The following ORM1 variants were observed in gnomAD, a reference collection of about 807,000 sequenced individuals.
ORM1 encodes orosomucoid 1.
ORM1 carries 13 observed loss-of-function variants against 26.9 expected under a neutral mutation model. The observed-to-expected ratio is 0.48, with a 90% CI of 0.31 to 0.77. The LOEUF (loss-of-function observed/expected upper bound fraction) is 0.77. ORM1 is among the 30% of genes least tolerant of loss of function. The pLI, the probability that ORM1 is intolerant of heterozygous loss-of-function variation, is 0.04. For missense variants in ORM1, 189 were observed against 246.8 expected, an observed-to-expected ratio of 0.77 and a Z score of 1.57; for synonymous variants, 76 against 102.2, an observed-to-expected ratio of 0.74 and a Z score of 1.55.
At chr9:114,324,628 G>C (rs1181624428) in intron 3 of ORM1, among the ~76,000 whole-genome samples, 162 bp from the exon 4 acceptor site, 3 of 152,200 alleles carry the variant, frequency 2.0e-5, no homozygotes, top group Non-Finnish European at 4.4e-5. Context: ...TTGGCGTGGA[G>C]CTGGGCATGC....
intron 3 of ORM1, 74 bp from the exon 4 acceptor site, chr9:114,324,716 G>C: frequency 8.1e-7 from 1 of 1,233,294 alleles, no homozygotes; most frequent in Non-Finnish European, 1.2e-6. Flanking sequence ...GACACACCTA[G>C]GCCTCCTCAC....
At chr9:114,325,233 G>C (rs1484681654) in intron 5 of ORM1, 81 bp downstream of exon 5, 3 of 1,345,724 alleles carry the variant, frequency 2.2e-6, no homozygotes, top group Non-Finnish European at 3.2e-6. Context: ...CAGGAGAGCT[G>C]CCAGGCAAGG....
chr9:114,324,366 T>G (rs1007303149), intron 3 of ORM1, among the ~76,000 whole-genome samples: 14 of 152,154 alleles, frequency 9.2e-5, no homozygotes, highest in African/African-American at 3.4e-4. Context: ...GATCTGCCTC[T>G]CTCTCATGCC....
chr9:114,324,178 T>A (rs2131724068), intron 3 of ORM1, 90 bp downstream of exon 3: 1 of 1,200,780 alleles, frequency 8.3e-7, no homozygotes, highest in African/African-American at 1.5e-5. Context: ...CCTGGAGGCT[T>A]TGGGCACAGA....
Position 114,323,170 on chromosome 9 carries a change from C to T in ORM1, c.37C>T (p.Leu13=). The change falls in exon 1 of 6, where the codon CTA becomes TTA. Residue 13 remains leucine, a synonymous_variant. Coordinates refer to ENST00000259396, the MANE Select transcript of ORM1 (RefSeq NM_000607.4). ...CTGGGTTCTTACAGTCCTGAGCCTC[C>T]TACCTCTGCTGGAAGCCCAGATCCC... is the stretch of plus-strand genomic sequence containing the variant. ...LSWVLTVLSL[L]PLLEAQIPLC... The T allele has an allele frequency of 1.3e-6, 2 of 1,545,530 alleles. No individual in the cohort carries two copies. The highest frequency in any genetic ancestry group is 1.4e-5 in the African/African-American group (1 of 69,424).
intron 3 of ORM1, 69 bp from the exon 4 acceptor site, chr9:114,324,721 C>T: frequency 1.5e-6 from 2 of 1,309,108 alleles, no homozygotes; most frequent in East Asian, 2.3e-5. Context: ...ACCTAGGCCT[C>T]CTCACCTGTA....
At position 114,323,196 on chromosome 9, in the gene ORM1, A is replaced by T. The variant is rs1405211530; in HGVS notation, c.63A>T (p.Pro21=). The T allele has an allele frequency of 6.3e-7, 1 of 1,581,412 alleles. No individual in the cohort carries two copies. The highest frequency in any genetic ancestry group is 1.4e-5 in the African/African-American group (1 of 72,194). The change falls in exon 1 of 6, where the codon CCA becomes CCT. Residue 21 remains proline (P), a synonymous_variant. Transcript: ENST00000259396. ...TACCTCTGCTGGAAGCCCAGATCCCATTGTGTGCCAACCTAGTACCGGTGC... is the reference window on the plus strand; with the variant it reads ...TACCTCTGCTGGAAGCCCAGATCCCTTTGTGTGCCAACCTAGTACCGGTGC... ...SLLPLLEAQI[P]LCANLVPVPI... is the part of the protein sequence containing the mutation.
chr9:114,324,119 A>C (rs778227490), intron 3 of ORM1, 31 bp downstream of exon 3: 65 of 1,600,696 alleles, frequency 4.1e-5, no homozygotes, highest in Non-Finnish European at 4.8e-5. Flanking sequence ...AGGAGGGTTC[A>C]CTGTGGGAAC....
intron 3 of ORM1, 88 bp downstream of exon 3, chr9:114,324,176 CT>C (rs2131724065): frequency 8.2e-7 from 1 of 1,219,324 alleles, no homozygotes; most frequent in African/African-American, 1.5e-5. Flanking sequence ...GCCCTGGAGG[CT>C]TTGGGCACAG....
chr9:114,324,722 C>T, intron 3 of ORM1, 68 bp from the exon 4 acceptor site: 1 of 1,325,992 alleles, frequency 7.5e-7, no homozygotes, highest in Non-Finnish European at 1.1e-6. Flanking sequence ...CCTAGGCCTC[C>T]TCACCTGTAA....
At chr9:114,323,859 G>C in intron 2 of ORM1, 54 bp downstream of exon 2, 1 of 1,611,460 alleles carries the variant, frequency 6.2e-7, no homozygotes, top group Non-Finnish European at 8.5e-7. Context: ...CAGAAGACCT[G>C]AGCAAGTCCC....
chr9:114,324,878 C>T lies in ORM1; in HGVS notation c.417C>T (p.Asn139=), dbSNP rs758370249. 22 of 1,614,132 alleles carry T rather than the reference C, an allele frequency of 1.4e-5. No homozygotes were observed. The Admixed American group carries it at 3.2e-4, about 23-fold the overall frequency. Residue 139 remains asparagine (N), a synonymous_variant, in exon 4 of 6, where the codon AAC becomes AAT. Transcript: ENST00000259396. ...MLAFDVNDEK[N]WGLSVYADKP... is the part of the protein sequence containing the mutation. ...CTTTTGACGTGAACGATGAGAAGAA[C>T]TGGGGGCTGTCTGTCTATGGTAGGC...
In ORM1 at chr9:114,324,085, T is replaced by A; in HGVS notation, c.325T>A (p.Tyr109Asn). 2.5e-6 allele frequency: 4 copies of A among 1,613,924 alleles called. No individual in the cohort carries two copies. The highest frequency in any genetic ancestry group is 2.5e-6 in the Non-Finnish European group (3 of 1,179,894). The change falls in exon 3 of 6, where the codon TAC becomes AAC. Residue 109 changes from tyrosine (Y) to asparagine (N), a missense_variant. Coordinates refer to ENST00000259396, the MANE Select transcript of ORM1 (RefSeq NM_000607.4). ...VQRENGTISR[Y>N]VGGQEHFAHL... ...GCGGGAAAATGGGACCATCTCCAGA[T>A]ACGGTGAGGGCCAGCCCTCAGGCAG...
In ORM1 at chr9:114,323,138, C is replaced by T. The variant is rs370798815; in HGVS notation, c.5C>T (p.Ala2Val). ...CACGTGCCTCCTGGTCTCAGTATGG[C>T]GCTGTCCTGGGTTCTTACAGTCCTG... The part of the protein sequence containing the change: M[A>V]LSWVLTVLSL... The change falls in exon 1 of 6, where the codon GCG becomes GTG. Residue 2 changes from alanine to valine, a missense_variant. Physicochemically the swap from Ala to Val is moderately conservative, Grantham distance 64 (BLOSUM62 0). Transcript: ENST00000259396. 1.4e-4 allele frequency: 199 copies of T among 1,450,946 alleles called. No individual in the cohort carries two copies. In the African/African-American group the frequency reaches 2.3e-3, roughly 17 times the overall value. The allele number at this position is 1,450,946 out of a possible 1,614,324, so 89.9% of individuals were successfully genotyped here.
At chr9:114,324,187 G>A (rs191146515) in intron 3 of ORM1, 99 bp downstream of exon 3, 3 of 1,093,024 alleles carry the variant, frequency 2.7e-6, no homozygotes, top group East Asian at 4.8e-5. Flanking sequence ...TTTGGGCACA[G>A]AGAAATAACC....
intron 5 of ORM1, among the ~76,000 whole-genome samples, chr9:114,325,604 A>G (rs556064083): frequency 6.6e-6 from 1 of 152,268 alleles, no homozygotes; most frequent in Non-Finnish European, 1.5e-5. Flanking sequence ...TTTTTGCTAC[A>G]AATGAAAATT....
At position 114,324,841 on chromosome 9, in the gene ORM1, C is replaced by T. The variant is rs1163604395; in HGVS notation, c.380C>T (p.Thr127Ile). 1.2e-6 allele frequency: 2 copies of T among 1,614,138 alleles called. No homozygotes were observed. The highest frequency in any genetic ancestry group is 2.2e-5 in the South Asian group (2 of 91,074). Residue 127 changes from threonine to isoleucine, a missense_variant, in exon 4 of 6, where the codon ACC becomes ATC. Transcript: ENST00000259396. Reference protein sequence around the residue: ...AHLLILRDTKTYMLAFDVNDE... With the variant: ...AHLLILRDTKIYMLAFDVNDE... ...TTGCTGATCCTCAGGGACACCAAGA[C>T]CTACATGCTTGCTTTTGACGTGAAC... is the stretch of plus-strand genomic sequence containing the variant.
rs375174573 is a variant in ORM1 at position 114,324,794 on chromosome 9, A to G, written c.333A>G (p.Gly111=). ...RENGTISRYV[G]GQEHFAHLLI... is the part of the protein sequence containing the mutation. ...GAGGCTCCTTTTCTCTTCCAGTGGG[A>G]GGCCAAGAGCATTTCGCTCACTTGC... The change falls in exon 4 of 6, where the codon GGA becomes GGG. Residue 111 remains glycine (G), a synonymous_variant. Coordinates refer to ENST00000259396, the MANE Select transcript of ORM1 (RefSeq NM_000607.4). 9.9e-6 allele frequency: 16 copies of G among 1,613,282 alleles called. No homozygotes were observed. In the East Asian group the frequency reaches 1.1e-4, roughly 11 times the overall value.
In ORM1 at chr9:114,326,249, T is replaced by C. The variant is rs761608479; in HGVS notation, c.541-43T>C. The stretch of plus-strand genomic sequence containing the variant: ...TGGAAGACCTCCCACCCTGTCCCCA[T>C]GCCTCTGCTTCTCCCTCACCCCAAT... On this transcript the variant is annotated intron_variant, in intron 5 of 5. Transcript: ENST00000259396. 12 of 1,592,462 alleles carry C rather than the reference T, an allele frequency of 7.5e-6. No individual in the cohort carries two copies. The East Asian group carries it at 1.8e-4, about 24-fold the overall frequency.
Sources: gnomAD v4.1 joint callset for allele counts (sites outside exome capture counted in the v4.1 genomes callset) on GRCh38, gnomAD v4.1.1 for gene constraint, MANE v1.5 for transcripts, NCBI Gene and HGNC (gene_info 2026-07-23, HGNC 2026-07-21) for gene names.